The following SEPTIN11 variants were observed in gnomAD, a reference collection of about 807,000 sequenced individuals.
SEPTIN11 encodes septin 11.
SEPTIN11 carries 25 observed loss-of-function variants against 51.4 expected under a neutral mutation model. The observed-to-expected ratio is 0.49, with a 90% CI of 0.35 to 0.68. The LOEUF (loss-of-function observed/expected upper bound fraction) is 0.68. Among genes scored for constraint, SEPTIN11 ranks in the 30% least tolerant of loss-of-function variants. The probability of loss-of-function intolerance (pLI) is 0.00; values close to 1 mark genes in which losing one functional copy is unlikely to be tolerated. For missense variants in SEPTIN11, 381 were observed against 520.8 expected, an observed-to-expected ratio of 0.73 and a Z score of 2.61; for synonymous variants, 174 against 184.1, an observed-to-expected ratio of 0.95 and a Z score of 0.44.
At chr4:76,997,459 G>A (rs752792165) in intron 2 of SEPTIN11, among the ~76,000 whole-genome samples, 1 of 152,194 alleles carries the variant, frequency 6.6e-6, no homozygotes, top group Non-Finnish European at 1.5e-5. Flanking sequence ...GTTGGGGGGA[G>A]TGCAGATATT....
At chr4:76,991,546 A>G (rs1723374405) in intron 1 of SEPTIN11, among the ~76,000 whole-genome samples, 1 of 151,294 alleles carries the variant, frequency 6.6e-6, no homozygotes. Flanking sequence ...CACTTCAGGT[A>G]TACATTCATA....
intron 1 of SEPTIN11, among the ~76,000 whole-genome samples, chr4:76,957,958 A>G (rs976905196): frequency 6.6e-6 from 1 of 152,168 alleles, no homozygotes; most frequent in African/African-American, 2.4e-5. Context: ...AAAACAAAAA[A>G]ACCTTATTAC....
At chr4:77,032,116 T>C (rs1218673181) in intron 9 of SEPTIN11, 1 of 152,198 alleles carries the variant, frequency 6.6e-6, no homozygotes, top group African/African-American at 2.4e-5. Context: ...CTAAGGAATC[T>C]CATGTTGCCT....
At chr4:77,034,380 C>T in intron 9 of SEPTIN11, 117 bp from the exon 10 acceptor site, 1 of 912,326 alleles carries the variant, frequency 1.1e-6, no homozygotes, top group South Asian at 3.0e-5. Context: ...CTGTCAATTC[C>T]ATAATCATTG....
At position 77,019,223 on chromosome 4, in the gene SEPTIN11, T is replaced by C. The variant is rs1725520783; in HGVS notation, c.746T>C (p.Met249Thr). The stretch of plus-strand genomic sequence containing the variant: ...GAAGAGGTGAAGATTGGCAACAAGA[T>C]GGCAAAGGCCAGGCAGTACCCCTGG... The part of the protein sequence containing the change: ...STEEVKIGNK[M>T]AKARQYPWGV... Residue 249 changes from methionine (M) to threonine (T), a missense_variant, in exon 6 of 10, where the codon ATG becomes ACG. This residue lies in a region of SEPTIN11 where 197 missense variants were observed against 313.1 expected (regional missense o/e 0.63). Transcript: ENST00000264893. The C allele has an allele frequency of 6.2e-7, 1 of 1,613,600 alleles. No individual in the cohort carries two copies.
rs1453056765 is a variant in SEPTIN11, at chr4:76,950,691, C to T, written c.27+761C>T. On this transcript the variant is annotated intron_variant, in intron 1 of 9. Transcript: ENST00000264893. Reference sequence around the variant, plus strand: ...GTAGGAGGGAGGAGATACCTTTGCCCCGAGTGTGTGGGCCAAGGCGCCGCG... The same window carrying T: ...GTAGGAGGGAGGAGATACCTTTGCCTCGAGTGTGTGGGCCAAGGCGCCGCG... Among the ~76,000 whole-genome samples the T allele has an allele frequency of 2.0e-5, 3 of 152,126 alleles. No homozygotes were observed. The East Asian group carries it at 5.8e-4, about 29-fold the overall frequency.
At chr4:77,017,565 T>C (rs1234558203) in intron 5 of SEPTIN11, among the ~76,000 whole-genome samples, 1 of 152,126 alleles carries the variant, frequency 6.6e-6, no homozygotes, top group Non-Finnish European at 1.5e-5. Context: ...CTTTCCTTCT[T>C]AGGGTGTGAG....
At chr4:77,011,521 G>T (rs1724863599) in intron 3 of SEPTIN11, among the ~76,000 whole-genome samples, 1 of 132,710 alleles carries the variant, frequency 7.5e-6, no homozygotes, top group South Asian at 2.9e-4. Context: ...CTTGACATGG[G>T]TGGGGGGCGG....
At chr4:76,952,439 A>G (rs922703424) in intron 1 of SEPTIN11, among the ~76,000 whole-genome samples, 2 of 152,216 alleles carry the variant, frequency 1.3e-5, no homozygotes, top group Non-Finnish European at 2.9e-5. Flanking sequence ...GAAAAATGCA[A>G]TCTGAATAAC....
intron 4 of SEPTIN11, among the ~76,000 whole-genome samples, chr4:77,014,304 A>C (rs1217370742): frequency 6.6e-6 from 1 of 152,204 alleles, no homozygotes; most frequent in African/African-American, 2.4e-5. Context: ...CATCAGAAGA[A>C]AGAAAGGATG....
intron 1 of SEPTIN11, chr4:76,974,349 T>C (rs1722388938): frequency 6.2e-6 from 1 of 160,720 alleles, no homozygotes; most frequent in African/African-American, 2.4e-5. Context: ...ACTCTGCCAA[T>C]CCCTGTACCG....
intron 9 of SEPTIN11, 115 bp from the exon 10 acceptor site, chr4:77,034,382 T>TG: frequency 1.1e-6 from 1 of 925,850 alleles, no homozygotes; most frequent in Middle Eastern, 3.6e-4. Flanking sequence ...GTCAATTCCA[T>TG]AATCATTGCA....
intron 1 of SEPTIN11, among the ~76,000 whole-genome samples, chr4:76,971,859 A>G (rs1722261794): frequency 6.6e-6 from 1 of 152,244 alleles, no homozygotes; most frequent in Admixed American, 6.5e-5. Context: ...TAGGTATAAA[A>G]TGCCAAATGG....
rs1721247177 is a variant in SEPTIN11 at position 76,949,962 on chromosome 4, G to A, written c.27+32G>A. On this transcript the variant is annotated intron_variant, in intron 1 of 9. Transcript: ENST00000264893. ...GCTGGGGCCTCGCCTGCTGCTCCTC[G>A]GGCGCCGGGTGGTCTCTGCTCTGGG... 4 of 1,443,032 alleles carry A rather than the reference G, an allele frequency of 2.8e-6. No homozygotes were observed. In the South Asian group the frequency reaches 4.3e-5, roughly 16 times the overall value. 89.4% of individuals were successfully genotyped at this position (1,443,032 alleles called of 1,614,324 possible). A position where few individuals can be genotyped will look rare whatever the true frequency, so the allele number is the denominator to read the frequency against.
intron 2 of SEPTIN11, among the ~76,000 whole-genome samples, chr4:77,004,831 C>T (rs766144518): frequency 2.5e-4 from 38 of 152,116 alleles, no homozygotes; most frequent in Non-Finnish European, 5.1e-4. Flanking sequence ...GGTGTGGTGA[C>T]ATGTGCCTGT....
rs187373503 is a variant in SEPTIN11 at position 76,987,814 on chromosome 4, A to C, written c.28-8611A>C. 12 of 979,584 alleles carry C rather than the reference A, an allele frequency of 1.2e-5. No homozygotes were observed. The Admixed American group carries it at 6.8e-4, about 55-fold the overall frequency. 60.7% of individuals were successfully genotyped at this position (979,584 alleles called of 1,614,324 possible). On this transcript the variant is annotated intron_variant, in intron 1 of 9. Transcript: ENST00000264893. Reference sequence around the variant, plus strand: ...TTTTCTTTACCTCTCTTCAGCTCAGAGGCGTCTGTACTACTGAAATAGGAC... The same window carrying C: ...TTTTCTTTACCTCTCTTCAGCTCAGCGGCGTCTGTACTACTGAAATAGGAC...
chr4:77,032,762 T>C (rs1286594658), intron 9 of SEPTIN11, among the ~76,000 whole-genome samples: 1 of 152,240 alleles, frequency 6.6e-6, no homozygotes, highest in Non-Finnish European at 1.5e-5. Context: ...ATTTCGTGTA[T>C]ACTAGACGTG....
At chr4:77,017,435 A>T (rs930526436) in intron 5 of SEPTIN11, among the ~76,000 whole-genome samples, 4 of 152,318 alleles carry the variant, frequency 2.6e-5, no homozygotes. Flanking sequence ...GAGTGGAGAA[A>T]TTTCCTTGGT....
intron 7 of SEPTIN11, among the ~76,000 whole-genome samples, chr4:77,026,297 T>TA (rs1379204040): frequency 1.3e-5 from 2 of 152,222 alleles, no homozygotes; most frequent in East Asian, 1.9e-4. Context: ...ACTGAAGGGC[T>TA]ACTCAGAGCA....
Sources: gnomAD v4.1 joint callset for allele counts (sites outside exome capture counted in the v4.1 genomes callset) on GRCh38, gnomAD v4.1.1 for gene constraint, gnomAD v4.1.1 regional missense constraint, MANE v1.5 for transcripts, NCBI Gene and HGNC (gene_info 2026-07-23, HGNC 2026-07-21) for gene names.